Variants in UBE3D observed in about 807,000 individuals in gnomAD.
The protein encoded by UBE3D is ubiquitin protein ligase E3D, also known as E3 ubiquitin-protein ligase E3D.
A neutral mutation model predicts 49.6 loss-of-function variants in UBE3D; 48 were observed. The observed-to-expected ratio is 0.97, with a 90% CI of 0.77 to 1.23. The LOEUF is 1.23. Among genes scored for constraint, UBE3D ranks in the 50% most tolerant of loss-of-function variants. UBE3D has a pLI of 0.00. For missense variants in UBE3D, 452 were observed against 468.4 expected (o/e 0.96, Z 0.32); for synonymous variants, 189 against 174.2 (o/e 1.08, Z -0.67).
chr6:82,937,315 T>TAACAA (rs34862044), intron 9 of UBE3D, among the ~76,000 whole-genome samples: 100,889 of 150,510 alleles, frequency 0.67, 34,280 homozygotes, highest in East Asian at 0.79. Flanking sequence ...TTCCCCCTTC[T>TAACAA]AACAAAACAA....
chr6:82,989,843 T>C (rs2127730315), intron 8 of UBE3D, among the ~76,000 whole-genome samples: 1 of 152,330 alleles, frequency 6.6e-6, no homozygotes, highest in Non-Finnish European at 1.5e-5. Flanking sequence ...TTCTATCTCA[T>C]TTTCCAGGCC....
intron 6 of UBE3D, among the ~76,000 whole-genome samples, chr6:83,022,977 A>G (rs573793430): frequency 2.3e-4 from 35 of 152,346 alleles, no homozygotes; most frequent in African/African-American, 7.7e-4. Context: ...GGATCTCCCT[A>G]AAGTGTCAGC....
chr6:82,942,757 T>C (rs1162860783), intron 9 of UBE3D, among the ~76,000 whole-genome samples: 1 of 152,206 alleles, frequency 6.6e-6, no homozygotes, highest in African/African-American at 2.4e-5. Context: ...TGGAAATGCC[T>C]GGATGTCCAG....
At chr6:83,054,331 C>A (rs1783673320) in intron 2 of UBE3D, 93 bp from the exon 3 acceptor site, 2 of 932,968 alleles carry the variant, frequency 2.1e-6, no homozygotes, top group Non-Finnish European at 1.7e-6. Context: ...AATTACCATC[C>A]ATAAACAGTT....
chr6:82,970,010 T>C (rs1777231403), intron 8 of UBE3D, among the ~76,000 whole-genome samples: 2 of 150,306 alleles, frequency 1.3e-5, no homozygotes, highest in African/African-American at 2.4e-5. Context: ...AAATAGACCC[T>C]AATGAAATGT....
intron 8 of UBE3D, among the ~76,000 whole-genome samples, chr6:82,978,028 C>T (rs1314872528): frequency 2.0e-5 from 3 of 151,968 alleles, no homozygotes; most frequent in Non-Finnish European, 2.9e-5. Flanking sequence ...GCACACTAAT[C>T]TCAGAAACAA....
intron 9 of UBE3D, among the ~76,000 whole-genome samples, chr6:82,900,334 C>T (rs912211377): frequency 6.6e-6 from 1 of 152,010 alleles, no homozygotes; most frequent in Non-Finnish European, 1.5e-5. Flanking sequence ...GAAACTATGC[C>T]CAGTCTTACA....
chr6:82,997,020 G>A (rs989763731), intron 8 of UBE3D, among the ~76,000 whole-genome samples: 2 of 151,980 alleles, frequency 1.3e-5, no homozygotes, highest in African/African-American at 4.8e-5. Flanking sequence ...CTTACATTAG[G>A]GGAAACTGAA....
At chr6:83,046,599 C>G (rs1783051219) in intron 3 of UBE3D, among the ~76,000 whole-genome samples, 1 of 129,700 alleles carries the variant, frequency 7.7e-6, no homozygotes, top group East Asian at 2.5e-4. Context: ...AAATATAGAC[C>G]TACAAACAAA....
At chr6:82,903,878 G>A (rs1771912618) in intron 9 of UBE3D, among the ~76,000 whole-genome samples, 1 of 152,134 alleles carries the variant, frequency 6.6e-6, no homozygotes, top group Non-Finnish European at 1.5e-5. Flanking sequence ...AGCTGAAGAG[G>A]ATGCTATGTG....
At chr6:82,927,198 C>T (rs1429631332) in intron 9 of UBE3D, among the ~76,000 whole-genome samples, 1 of 143,966 alleles carries the variant, frequency 6.9e-6, no homozygotes, top group Non-Finnish European at 1.5e-5. Context: ...TATTCTGTTC[C>T]ATTGATCTAT....
At chr6:82,989,614 T>A (rs1330558857) in intron 8 of UBE3D, among the ~76,000 whole-genome samples, 1 of 152,140 alleles carries the variant, frequency 6.6e-6, no homozygotes, top group East Asian at 1.9e-4. Context: ...CATGGCTGTA[T>A]TTCATTAAAA....
chr6:83,053,831 C>T (rs996290119), intron 3 of UBE3D, among the ~76,000 whole-genome samples: 3 of 152,136 alleles, frequency 2.0e-5, no homozygotes, highest in African/African-American at 4.8e-5. Context: ...CACTCAGCAT[C>T]GTGTTGGATG....
chr6:82,918,918 G>T (rs1347520083), intron 9 of UBE3D, among the ~76,000 whole-genome samples: 2 of 152,064 alleles, frequency 1.3e-5, no homozygotes, highest in African/African-American at 4.8e-5. Context: ...CAGGGAGATG[G>T]ATTTGAGACT....
chr6:83,010,207 T>C (rs1780245423), intron 8 of UBE3D, among the ~76,000 whole-genome samples: 4 of 152,234 alleles, frequency 2.6e-5, no homozygotes, highest in African/African-American at 9.6e-5. Flanking sequence ...TAATCACGAA[T>C]AATCATTTTG....
intron 9 of UBE3D, among the ~76,000 whole-genome samples, chr6:82,927,503 G>A (rs928542896): frequency 7.2e-5 from 11 of 151,894 alleles, no homozygotes; most frequent in African/African-American, 2.4e-4. Flanking sequence ...CCATGAACAC[G>A]GAATATCTCT....
At chr6:82,963,946 C>A (rs1168426520) in intron 8 of UBE3D, among the ~76,000 whole-genome samples, 1 of 152,126 alleles carries the variant, frequency 6.6e-6, no homozygotes, top group East Asian at 1.9e-4. Flanking sequence ...TAATCATCCA[C>A]TATAAGTCAA....
chr6:82,939,174 G>A (rs1774818985), intron 9 of UBE3D, among the ~76,000 whole-genome samples: 1 of 152,132 alleles, frequency 6.6e-6, no homozygotes, highest in African/African-American at 2.4e-5. Context: ...CAGATACTGA[G>A]GTAAGAGAAG....
chr6:82,915,663 T>A (rs910839041), intron 9 of UBE3D, among the ~76,000 whole-genome samples: 1 of 152,202 alleles, frequency 6.6e-6, no homozygotes, highest in Non-Finnish European at 1.5e-5. Flanking sequence ...CTTTGAATTA[T>A]AATTTTTAAA....
Sources: allele counts gnomAD v4.1 joint callset (sites outside exome capture counted in the v4.1 genomes callset), GRCh38; gene constraint gnomAD v4.1.1; transcripts MANE v1.5; gene names NCBI Gene and HGNC (gene_info 2026-07-23, HGNC 2026-07-21).